The following LYRM7 variants were observed in gnomAD, a reference collection of about 807,000 sequenced individuals.
The protein encoded by LYRM7 is LYR motif containing 7.
LYRM7 carries 9 observed loss-of-function variants against 15.8 expected under a neutral mutation model. The ratio of observed to expected loss-of-function variants is 0.57; its 90% CI spans 0.34 to 0.99. The LOEUF is 0.99. Among genes scored for constraint, LYRM7 ranks in the 50% least tolerant of loss-of-function variants. LYRM7 has a pLI of 0.02. For missense variants in LYRM7, 115 were observed against 119.1 expected (o/e 0.97, Z 0.16); for synonymous variants, 39 against 39.4 (o/e 0.99, Z 0.04).
intron 4 of LYRM7, among the ~76,000 whole-genome samples, chr5:131,190,513 G>A (rs867336501): frequency 6.2e-5 from 9 of 145,372 alleles, no homozygotes; most frequent in Middle Eastern, 3.7e-3. Context: ...TCTTTGAAAC[G>A]GATTTTCGCT....
intron 1 of LYRM7, among the ~76,000 whole-genome samples, chr5:131,179,040 C>A (rs1755643339): frequency 6.7e-6 from 1 of 150,236 alleles, no homozygotes; most frequent in South Asian, 2.1e-4. Flanking sequence ...TCTGTGGCCT[C>A]TTTTAAGATG....
chr5:131,181,417 TTA>T lies in LYRM7; in HGVS notation c.92-801_92-800del, dbSNP rs1554089947. On this transcript the variant is annotated intron_variant, in intron 2 of 4. Transcript: ENST00000379380. Reference sequence around the variant, plus strand: ...ATATATTATATATACATATATATGTTTATATATATATAACATATATATGTATA... The same window carrying T: ...ATATATTATATATACATATATATGTTTATATATATAACATATATATGTATA... Among the ~76,000 whole-genome samples, 145 of 106,190 alleles carry T rather than the reference TTA, an allele frequency of 1.4e-3. 1 individual carries two copies. Among genetic ancestry groups the T allele is most frequent in the Non-Finnish European group, 1.7e-3 (99 of 59,812 alleles). The allele number at this position is 106,190 out of a possible 152,430, so 69.7% of individuals were successfully genotyped here. A position where few individuals can be genotyped will look rare whatever the true frequency, so the allele number is the denominator to read the frequency against.
intron 4 of LYRM7, among the ~76,000 whole-genome samples, chr5:131,192,774 A>G (rs528767242): frequency 9.4e-4 from 143 of 152,274 alleles, no homozygotes; most frequent in African/African-American, 3.3e-3. Flanking sequence ...TTTTATTCAT[A>G]TCATTCATCA....
chr5:131,183,643 T>C (rs993087903), intron 3 of LYRM7, among the ~76,000 whole-genome samples: 1 of 152,152 alleles, frequency 6.6e-6, no homozygotes, highest in Non-Finnish European at 1.5e-5. Flanking sequence ...TTAGTAATTT[T>C]AAAATAATTG....
At position 131,205,419 on chromosome 5, in the gene LYRM7, C is replaced by A. The variant is rs1030825059; in HGVS notation, c.*5818C>A. On this transcript the variant is annotated 3_prime_UTR_variant, in exon 5 of 5. Coordinates refer to ENST00000379380, the MANE Select transcript of LYRM7 (RefSeq NM_181705.4). Reference sequence around the variant, plus strand: ...GTAAGAATAAACAAGTTTGTTCATTCATGTCTCCATTGATGAGTGATAGTA... The same window carrying A: ...GTAAGAATAAACAAGTTTGTTCATTAATGTCTCCATTGATGAGTGATAGTA... The A allele has an allele frequency of 2.6e-5, 4 of 152,160 alleles. No homozygotes were observed. Among genetic ancestry groups the A allele is most frequent in the African/African-American group, 9.7e-5 (4 of 41,432 alleles). 9.4% of individuals were successfully genotyped at this position (152,160 alleles called of 1,614,324 possible). A position where few individuals can be genotyped will look rare whatever the true frequency, so the allele number is the denominator to read the frequency against.
Position 131,192,032 on chromosome 5 carries a change from TACACACACACACACAC to T in LYRM7, c.244+4957_244+4972del, listed in dbSNP as rs60867142. Among the ~76,000 whole-genome samples, 535 of 127,760 alleles carry T rather than the reference TACACACACACACACAC, an allele frequency of 4.2e-3. 1 individual carries two copies. The highest frequency in any genetic ancestry group is 9.2e-3 in the South Asian group (34 of 3,696). The allele number at this position is 127,760 out of a possible 152,430, so 83.8% of individuals were successfully genotyped here. On this transcript the variant is annotated intron_variant, in intron 4 of 4. Coordinates refer to ENST00000379380, the MANE Select transcript of LYRM7 (RefSeq NM_181705.4). ...AGTTGATTAAAAAAAATGTGGTGCATACACACACACACACACACACACACACACACACACACACACA... is the reference window on the plus strand; with the variant it reads ...AGTTGATTAAAAAAAATGTGGTGCATACACACACACACACACACACACACA...
At position 131,201,403 on chromosome 5, in the gene LYRM7, A is replaced by G. The variant is rs1438758833; in HGVS notation, c.*1802A>G. 1 of 151,688 alleles carries G rather than the reference A, an allele frequency of 6.6e-6. No homozygotes were observed. Among genetic ancestry groups the G allele is most frequent in the Admixed American group, 6.6e-5 (1 of 15,228 alleles). 9.4% of individuals were successfully genotyped at this position (151,688 alleles called of 1,614,324 possible). On this transcript the variant is annotated 3_prime_UTR_variant, in exon 5 of 5. Transcript: ENST00000379380. The stretch of plus-strand genomic sequence containing the variant: ...ATATGATATTGTACTTTCATGCCAT[A>G]AGACTACACAATAAAGTTCCTGAAA...
rs375129014 is a variant in LYRM7 at position 131,182,209 on chromosome 5, A to G, written c.92-20A>G. ...ATAGATTACAAAAGCGAATAACTAT[A>G]TGTATTTTTCTCTTTGTAGCAGCCA... On this transcript the variant is annotated intron_variant, in intron 2 of 4. Transcript: ENST00000379380. 14 of 1,399,140 alleles carry G rather than the reference A, an allele frequency of 1.0e-5. No individual in the cohort carries two copies. In the African/African-American group the frequency reaches 1.8e-4, roughly 18 times the overall value. The allele number at this position is 1,399,140 out of a possible 1,614,324, so 86.7% of individuals were successfully genotyped here. A position where few individuals can be genotyped will look rare whatever the true frequency, so the allele number is the denominator to read the frequency against.
At chr5:131,185,663 C>T (rs970891967) in intron 3 of LYRM7, among the ~76,000 whole-genome samples, 2 of 152,156 alleles carry the variant, frequency 1.3e-5, no homozygotes, top group Non-Finnish European at 2.9e-5. Flanking sequence ...CATGGTGGCT[C>T]ACACCTGTAA....
In LYRM7 at chr5:131,174,399, C is replaced by A. The variant is rs535104897; in HGVS notation, c.18+3361C>A. On this transcript the variant is annotated intron_variant, in intron 1 of 4. Transcript: ENST00000379380. Reference sequence around the variant, plus strand: ...CATCCATGAGTGTTCAAATAAGTTTCTTCCAAATGCCTGTTATTGTTGCTA... The same window carrying A: ...CATCCATGAGTGTTCAAATAAGTTTATTCCAAATGCCTGTTATTGTTGCTA... Among the ~76,000 whole-genome samples, 199 of 152,318 alleles carry A rather than the reference C, an allele frequency of 1.3e-3. 1 individual carries two copies. The highest frequency in any genetic ancestry group is 1.6e-3 in the Admixed American group (25 of 15,294).
intron 4 of LYRM7, among the ~76,000 whole-genome samples, chr5:131,196,186 C>G (rs1258401014): frequency 2.7e-5 from 4 of 150,918 alleles, no homozygotes; most frequent in African/African-American, 9.8e-5. Flanking sequence ...TCACTGCAAC[C>G]TCAGCCTCCC....
intron 1 of LYRM7, among the ~76,000 whole-genome samples, chr5:131,172,436 A>T (rs1044338009): frequency 6.6e-6 from 1 of 152,148 alleles, no homozygotes; most frequent in Non-Finnish European, 1.5e-5. Flanking sequence ...ATAAATAAAT[A>T]ATCTCTCAAG....
Position 131,175,821 on chromosome 5 carries a change from C to T in LYRM7, c.19-4274C>T, listed in dbSNP as rs188003317. ...TCACCCAGGCTGGAGTGCAGTGGCACCATCTCGGCTCACTGCAACCTCCAC... is the reference window on the plus strand; with the variant it reads ...TCACCCAGGCTGGAGTGCAGTGGCATCATCTCGGCTCACTGCAACCTCCAC... On this transcript the variant is annotated intron_variant, in intron 1 of 4. Transcript: ENST00000379380. Among the ~76,000 whole-genome samples the T allele has an allele frequency of 3.9e-3, 587 of 152,098 alleles. 10 individuals are homozygous for T. Among genetic ancestry groups the T allele is most frequent in the Non-Finnish European group, 4.2e-3 (289 of 68,010 alleles).
At chr5:131,175,741 CCCAGG>C (rs1436979946) in intron 1 of LYRM7, among the ~76,000 whole-genome samples, 4 of 136,798 alleles carry the variant, frequency 2.9e-5, no homozygotes, top group African/African-American at 1.4e-4. Context: ...GGCCATGTTG[CCCAGG>C]CTGGTTTTGT....
At chr5:131,186,457 C>T (rs754487929) in intron 3 of LYRM7, among the ~76,000 whole-genome samples, 6 of 152,232 alleles carry the variant, frequency 3.9e-5, no homozygotes, top group Admixed American at 1.3e-4. Context: ...AAAGCAGTAC[C>T]GTAGTCCCCC....
intron 4 of LYRM7, among the ~76,000 whole-genome samples, chr5:131,196,121 G>C (rs1284985574): frequency 1.4e-5 from 1 of 70,478 alleles, no homozygotes; most frequent in Non-Finnish European, 2.7e-5. Flanking sequence ...TTTTTTTTTT[G>C]GAGATAGAGT....
Position 131,204,081 on chromosome 5 carries a change from A to G in LYRM7, c.*4480A>G, listed in dbSNP as rs894832927. On this transcript the variant is annotated 3_prime_UTR_variant, in exon 5 of 5. Transcript: ENST00000379380. ...TATCATTTTTAAAGGAATATAAATT[A>G]TAGGGCCTTTTGTTTCTTTGGGTTT... 4.7e-5 allele frequency: 7 copies of G among 150,526 alleles called. No homozygotes were observed. Among genetic ancestry groups the G allele is most frequent in the African/African-American group, 1.7e-4 (7 of 40,770 alleles). 9.3% of individuals were successfully genotyped at this position (150,526 alleles called of 1,614,324 possible).
chr5:131,184,548 T>C (rs1755763149), intron 3 of LYRM7, among the ~76,000 whole-genome samples: 1 of 151,982 alleles, frequency 6.6e-6, no homozygotes, highest in Non-Finnish European at 1.5e-5. Context: ...AATTTCTTTT[T>C]TTTTGAGACG....
chr5:131,190,945 A>G (rs1451474405), intron 4 of LYRM7, among the ~76,000 whole-genome samples: 6 of 152,136 alleles, frequency 3.9e-5, no homozygotes, highest in African/African-American at 1.4e-4. Flanking sequence ...TATTTTTATC[A>G]TATGAATAAA....
Sources: gnomAD v4.1 joint callset for allele counts (sites outside exome capture counted in the v4.1 genomes callset) on GRCh38, gnomAD v4.1.1 for gene constraint, MANE v1.5 for transcripts, NCBI Gene and HGNC (gene_info 2026-07-23, HGNC 2026-07-21) for gene names.